The following MSH4 variants were observed in gnomAD, a reference collection of about 807,000 sequenced individuals.
MSH4 encodes mutS homolog 4.
A neutral mutation model predicts 113.7 loss-of-function variants in MSH4; 106 were observed. That is an observed-to-expected ratio of 0.93 (90% CI 0.80 to 1.10). The LOEUF (loss-of-function observed/expected upper bound fraction) is 1.10, where lower values mean the gene tolerates loss of function less well. MSH4 is among the 50% of genes least tolerant of loss of function. The probability of loss-of-function intolerance (pLI) is 0.00; values close to 1 mark genes in which losing one functional copy is unlikely to be tolerated. For synonymous variants in MSH4, 368 were observed against 380.2 expected (o/e 0.97, Z 0.37); for missense variants, 1,061 against 1,093.7 (o/e 0.97, Z 0.42).
At chr1:75,885,731 GTATATATAGTATATATAATGTAT>G (rs1183013564) in intron 15 of MSH4, among the ~76,000 whole-genome samples, 7 of 87,248 alleles carry the variant, frequency 8.0e-5, no homozygotes, top group South Asian at 3.7e-4. Flanking sequence ...ATATTATATA[GTATATATAGTATATATAATGTAT>G]TATATATAGT....
chr1:75,869,105 T>C (rs528848917), intron 9 of MSH4, among the ~76,000 whole-genome samples: 3 of 152,278 alleles, frequency 2.0e-5, no homozygotes, highest in Non-Finnish European at 4.4e-5. Context: ...ACCAAAATGC[T>C]GATAGTTATA....
chr1:75,904,494 T>G (rs547403816), intron 19 of MSH4, among the ~76,000 whole-genome samples: 1 of 150,380 alleles, frequency 6.6e-6, no homozygotes, highest in Non-Finnish European at 1.5e-5. Flanking sequence ...CATCAGGTAC[T>G]GGCTTTTCTT....
chr1:75,876,103 C>T (rs1480971904), intron 9 of MSH4, among the ~76,000 whole-genome samples: 1 of 152,050 alleles, frequency 6.6e-6, no homozygotes, highest in Non-Finnish European at 1.5e-5. Context: ...TCATTATGTA[C>T]ATATGCAAAT....
chr1:75,899,600 T>C lies in MSH4; in HGVS notation c.2531-18T>C. ...GCAGTAACAATATTGAAGCCAAATTTAAAACAAATAATTCTAGGATTAAAA... is the reference window on the plus strand; with the variant it reads ...GCAGTAACAATATTGAAGCCAAATTCAAAACAAATAATTCTAGGATTAAAA... On this transcript the variant is annotated intron_variant, in intron 18 of 19. Coordinates refer to ENST00000263187, the MANE Select transcript of MSH4 (RefSeq NM_002440.4). 6.9e-7 allele frequency: 1 copy of C among 1,441,120 alleles called. No individual in the cohort carries two copies. The highest frequency in any genetic ancestry group is 9.2e-7 in the Non-Finnish European group (1 of 1,084,704). 89.3% of individuals were successfully genotyped at this position (1,441,120 alleles called of 1,614,324 possible).
intron 7 of MSH4, among the ~76,000 whole-genome samples, chr1:75,842,202 AAGAC>A: frequency 6.6e-6 from 1 of 152,230 alleles, no homozygotes; most frequent in Non-Finnish European, 1.5e-5. Context: ...AGTTTATCTG[AAGAC>A]CTGGGAATGT....
chr1:75,883,646 A>C lies in MSH4; in HGVS notation c.1932A>C (p.Leu644Phe). ...TTCGACCAGAATTTACTGATACTTT[A>C]GCAATCAAACAGGGATGGCATCCTA... ...DYVRPEFTDT[L>F]AIKQGWHPIL... The change falls in exon 15 of 20, where the codon TTA (leucine) becomes TTC (phenylalanine). Residue 644 changes from leucine (L) to phenylalanine (F), a missense_variant. Transcript: ENST00000263187. 1 of 1,612,926 alleles carries C rather than the reference A, an allele frequency of 6.2e-7. No homozygotes were observed. Among genetic ancestry groups the C allele is most frequent in the Non-Finnish European group, 8.5e-7 (1 of 1,179,554 alleles).
At chr1:75,847,482 T>C (rs1468671972) in intron 7 of MSH4, among the ~76,000 whole-genome samples, 1 of 152,056 alleles carries the variant, frequency 6.6e-6, no homozygotes, top group Admixed American at 6.6e-5. Flanking sequence ...TGATAGACAA[T>C]ATCAAAACCA....
intron 19 of MSH4, among the ~76,000 whole-genome samples, chr1:75,910,792 TA>T (rs937543885): frequency 2.0e-5 from 3 of 151,842 alleles, no homozygotes; most frequent in East Asian, 1.9e-4. Flanking sequence ...TATCATCTTC[TA>T]AAAAAAACTC....
chr1:75,850,709 T>C (rs776624119), intron 8 of MSH4, among the ~76,000 whole-genome samples: 1 of 152,124 alleles, frequency 6.6e-6, no homozygotes, highest in Non-Finnish European at 1.5e-5. Flanking sequence ...ATCCTTATGG[T>C]GTTTTACGTT....
chr1:75,832,669 G>A (rs537528025), intron 7 of MSH4, among the ~76,000 whole-genome samples: 72 of 152,158 alleles, frequency 4.7e-4, no homozygotes, highest in African/African-American at 1.7e-3. Context: ...CACATAAACA[G>A]AACCAAAGGC....
intron 1 of MSH4, among the ~76,000 whole-genome samples, chr1:75,797,931 G>A (rs1649854878): frequency 6.6e-6 from 1 of 152,202 alleles, no homozygotes; most frequent in South Asian, 2.1e-4. Flanking sequence ...GTGACACAGT[G>A]AGACCCTGAC....
At chr1:75,810,188 A>AAT (rs1299539078) in intron 3 of MSH4, among the ~76,000 whole-genome samples, 1 of 150,268 alleles carries the variant, frequency 6.7e-6, no homozygotes, top group Non-Finnish European at 1.5e-5. Flanking sequence ...TACCATTAGA[A>AAT]ATATATATAC....
chr1:75,860,015 A>G (rs1301215689), intron 8 of MSH4, among the ~76,000 whole-genome samples: 1 of 152,028 alleles, frequency 6.6e-6, no homozygotes, highest in South Asian at 2.1e-4. Flanking sequence ...CCAATATGTA[A>G]TGGCCTTCTT....
At chr1:75,858,926 T>G (rs1470322690) in intron 8 of MSH4, among the ~76,000 whole-genome samples, 1 of 152,218 alleles carries the variant, frequency 6.6e-6, no homozygotes, top group Admixed American at 6.5e-5. Context: ...CTATTAATTA[T>G]TGCCTCAATT....
At chr1:75,824,902 T>C (rs1049779762) in intron 7 of MSH4, among the ~76,000 whole-genome samples, 1 of 79,546 alleles carries the variant, frequency 1.3e-5, no homozygotes, top group South Asian at 7.6e-4. Context: ...ACCTTCAGCT[T>C]TGTTTTTTTT....
intron 19 of MSH4, among the ~76,000 whole-genome samples, chr1:75,903,774 G>A (rs181330325): frequency 6.6e-6 from 1 of 152,102 alleles, no homozygotes; most frequent in East Asian, 1.9e-4. Flanking sequence ...TTTTGGTGGA[G>A]TCTTTAGGGT....
intron 17 of MSH4, among the ~76,000 whole-genome samples, chr1:75,893,067 A>T (rs5745521): frequency 6.6e-5 from 10 of 152,218 alleles, no homozygotes; most frequent in Non-Finnish European, 1.2e-4. Flanking sequence ...AGACACCAGG[A>T]AATGTGCATC....
At chr1:75,800,698 A>C (rs1184657045) in intron 1 of MSH4, among the ~76,000 whole-genome samples, 2 of 152,222 alleles carry the variant, frequency 1.3e-5, no homozygotes, top group East Asian at 3.8e-4. Flanking sequence ...ACAAGCTGGT[A>C]CAATTAACCA....
At chr1:75,878,073 T>C in intron 10 of MSH4, 76 bp from the exon 11 acceptor site, 1 of 1,130,006 alleles carries the variant, frequency 8.8e-7, no homozygotes, top group Non-Finnish European at 1.2e-6. Flanking sequence ...CTATCATCAA[T>C]TGTGATTCAA....
Sources: gnomAD v4.1 joint callset for allele counts (sites outside exome capture counted in the v4.1 genomes callset) on GRCh38, gnomAD v4.1.1 for gene constraint, MANE v1.5 for transcripts, NCBI Gene and HGNC (gene_info 2026-07-23, HGNC 2026-07-21) for gene names.